The following ORC2 variants were observed in gnomAD, a reference collection of about 807,000 sequenced individuals.
The protein encoded by ORC2 is origin recognition complex protein 2 homolog.
In ORC2, 37 loss-of-function variants were observed where a neutral mutation model predicts 77.7. That is an observed-to-expected ratio of 0.48 (90% CI 0.37 to 0.63). The LOEUF is 0.63. ORC2 is among the 20% of genes least tolerant of loss of function. The probability of loss-of-function intolerance (pLI) is 0.00; values close to 1 mark genes in which losing one functional copy is unlikely to be tolerated. For synonymous variants in ORC2, 201 were observed against 229.5 expected (o/e 0.88, Z 1.12); for missense variants, 557 against 661.9 (o/e 0.84, Z 1.74).
At chr2:200,946,537 A>C (rs1231738859) in intron 5 of ORC2, among the ~76,000 whole-genome samples, 2 of 152,244 alleles carry the variant, frequency 1.3e-5, no homozygotes, top group African/African-American at 4.8e-5. Flanking sequence ...ATATCTATAA[A>C]ACTATCTTCT....
chr2:200,949,241 T>TA (rs746523658), intron 5 of ORC2, among the ~76,000 whole-genome samples: 2,303 of 134,470 alleles, frequency 0.017, 30 homozygotes, highest in Middle Eastern at 0.038. Context: ...ACTCCACCTT[T>TA]AAAAAAAAAA....
At chr2:200,938,465 A>G (rs1015157592) in intron 7 of ORC2, among the ~76,000 whole-genome samples, 4 of 152,154 alleles carry the variant, frequency 2.6e-5, no homozygotes, top group Admixed American at 2.0e-4. Flanking sequence ...ACATTCTTTG[A>G]GGAGAGAAGG....
At position 200,909,610 on chromosome 2, in the gene ORC2, A is replaced by G. The variant is rs1039880022; in HGVS notation, c.*1691T>C. 1 of 151,698 alleles carries G rather than the reference A, an allele frequency of 6.6e-6. No homozygotes were observed. The allele number at this position is 151,698 out of a possible 1,614,324, so 9.4% of individuals were successfully genotyped here. A position where few individuals can be genotyped will look rare whatever the true frequency, so the allele number is the denominator to read the frequency against. On this transcript the variant is annotated 3_prime_UTR_variant, in exon 18 of 18. Transcript: ENST00000234296. ...TCCCAGCTCAGGAGGCTGAGGCACAAGAATCACTTGAACCCAGGAGGTGGA... is the reference window on the plus strand; with the variant it reads ...TCCCAGCTCAGGAGGCTGAGGCACAGGAATCACTTGAACCCAGGAGGTGGA...
chr2:200,913,291 T>C lies in ORC2; in HGVS notation c.1647+4A>G. On this transcript the variant is annotated splice_donor_region_variant and intron_variant, in intron 17 of 17. Transcript: ENST00000234296. The stretch of plus-strand genomic sequence containing the variant: ...CATACAATGCTACAATAGTGGAGTC[T>C]TACCTTCTTTGTTCTTATAAGCTTG... 1 of 1,586,880 alleles carries C rather than the reference T, an allele frequency of 6.3e-7. No individual in the cohort carries two copies. The highest frequency in any genetic ancestry group is 8.6e-7 in the Non-Finnish European group (1 of 1,162,490).
intron 13 of ORC2, among the ~76,000 whole-genome samples, chr2:200,925,339 C>T (rs2040824001): frequency 6.6e-6 from 1 of 152,014 alleles, no homozygotes; most frequent in African/African-American, 2.4e-5. Flanking sequence ...GATATACAAA[C>T]TTAAGAAAGT....
chr2:200,917,596 G>A (rs1309899993), intron 15 of ORC2, among the ~76,000 whole-genome samples: 1 of 152,190 alleles, frequency 6.6e-6, no homozygotes, highest in African/African-American at 2.4e-5. Context: ...AGTCATACAA[G>A]GCTACAAGTG....
At chr2:200,934,033 A>G in intron 9 of ORC2, 59 bp from the exon 10 acceptor site, 1 of 821,510 alleles carries the variant, frequency 1.2e-6, no homozygotes. Context: ...TCATATCAAA[A>G]TTAGACAGTA....
intron 5 of ORC2, among the ~76,000 whole-genome samples, chr2:200,946,678 C>T (rs2041255394): frequency 6.6e-6 from 1 of 152,148 alleles, no homozygotes; most frequent in Admixed American, 6.5e-5. Flanking sequence ...CATGCTAATT[C>T]TCCAAATGGA....
intron 1 of ORC2, among the ~76,000 whole-genome samples, chr2:200,960,801 T>C (rs1286583473): frequency 2.0e-5 from 3 of 152,100 alleles, no homozygotes; most frequent in East Asian, 1.9e-4. Flanking sequence ...TTTTCTAAGA[T>C]GGAGTCTGGC....
At chr2:200,935,454 G>T (rs1203716132) in intron 9 of ORC2, among the ~76,000 whole-genome samples, 1 of 152,236 alleles carries the variant, frequency 6.6e-6, no homozygotes, top group African/African-American at 2.4e-5. Context: ...GTGGAATTGA[G>T]ATGTCACTTT....
chr2:200,918,234 T>C (rs1214547957), intron 15 of ORC2, among the ~76,000 whole-genome samples: 2 of 152,192 alleles, frequency 1.3e-5, no homozygotes, highest in East Asian at 3.9e-4. Context: ...AAACCAAGAA[T>C]GCAGCTGTGC....
intron 4 of ORC2, among the ~76,000 whole-genome samples, chr2:200,952,627 A>T (rs1400450256): frequency 6.6e-6 from 1 of 152,150 alleles, no homozygotes; most frequent in Non-Finnish European, 1.5e-5. Context: ...GTTATTAACT[A>T]AAACAACTGG....
chr2:200,927,841 C>T (rs768506562), intron 11 of ORC2, among the ~76,000 whole-genome samples: 43 of 151,008 alleles, frequency 2.8e-4, no homozygotes, highest in Non-Finnish European at 5.0e-4. Context: ...GGATTACAGG[C>T]GCCCGCCACC....
chr2:200,913,694 C>A, intron 16 of ORC2: 1 of 1,347,250 alleles, frequency 7.4e-7, no homozygotes, highest in South Asian at 2.1e-5. Flanking sequence ...CCATAGTTAG[C>A]ACAGAAAATT....
intron 1 of ORC2, among the ~76,000 whole-genome samples, chr2:200,959,912 A>G (rs1220908265): frequency 6.6e-6 from 1 of 151,956 alleles, no homozygotes; most frequent in Non-Finnish European, 1.5e-5. Flanking sequence ...AAAAAAAAAA[A>G]TTAGCTGGGC....
chr2:200,925,740 T>G, intron 13 of ORC2, 96 bp downstream of exon 13: 2 of 361,156 alleles, frequency 5.5e-6, no homozygotes, highest in Non-Finnish European at 1.0e-5. Context: ...GTCTCAAAAA[T>G]AATAATAATA....
chr2:200,958,292 C>T (rs1409937003), intron 2 of ORC2, among the ~76,000 whole-genome samples, 159 bp from the exon 3 acceptor site: 1 of 152,086 alleles, frequency 6.6e-6, no homozygotes, highest in East Asian at 1.9e-4. Flanking sequence ...ACATATTCAA[C>T]TGTAGGTAAC....
At chr2:200,942,840 C>A in intron 5 of ORC2, 63 bp from the exon 6 acceptor site, 2 of 905,950 alleles carry the variant, frequency 2.2e-6, no homozygotes, top group East Asian at 2.7e-5. Flanking sequence ...AGGGAAATAA[C>A]CTTATTACGC....
At position 200,937,969 on chromosome 2, in the gene ORC2, GT is replaced by G; in HGVS notation, c.454-4del. 6.3e-7 allele frequency: 1 copy of G among 1,583,050 alleles called. No individual in the cohort carries two copies. The highest frequency in any genetic ancestry group is 8.6e-7 in the Non-Finnish European group (1 of 1,156,872). On this transcript the variant is annotated splice_polypyrimidine_tract_variant and splice_region_variant and intron_variant, in intron 7 of 17. Coordinates refer to ENST00000234296, the MANE Select transcript of ORC2 (RefSeq NM_006190.5). ...AGAAATTCACTTTTGTCATTGTTCT[GT>G]TTAGAAATAGAAAAAGCATTAAATA...
Sources: allele counts gnomAD v4.1 joint callset (sites outside exome capture counted in the v4.1 genomes callset), GRCh38; gene constraint gnomAD v4.1.1; transcripts MANE v1.5; gene names NCBI Gene and HGNC (gene_info 2026-07-23, HGNC 2026-07-21).